The following MAGI2 variants were observed in gnomAD, a reference collection of about 807,000 sequenced individuals.
MAGI2 encodes membrane associated guanylate kinase, WW and PDZ domain containing 2.
MAGI2 carries 35 observed loss-of-function variants against 133.3 expected under a neutral mutation model. The ratio of observed to expected loss-of-function variants is 0.26; its 90% CI spans 0.20 to 0.35. The LOEUF (loss-of-function observed/expected upper bound fraction) is 0.35, where lower values mean the gene tolerates loss of function less well. MAGI2 is among the 10% of genes least tolerant of loss of function. The pLI, the probability that MAGI2 is intolerant of heterozygous loss-of-function variation, is 1.00. For synonymous variants in MAGI2, 729 were observed against 710.6 expected (o/e 1.03, Z -0.41); for missense variants, 1,636 against 1,863.4 (o/e 0.88, Z 2.25).
chr7:79,294,935 T>C (rs1836811156), intron 1 of MAGI2, among the ~76,000 whole-genome samples: 1 of 151,482 alleles, frequency 6.6e-6, no homozygotes, highest in Non-Finnish European at 1.5e-5. Flanking sequence ...AGACGGGGTT[T>C]CACCGTGTTA....
intron 2 of MAGI2, among the ~76,000 whole-genome samples, chr7:78,784,274 G>A (rs1056958404): frequency 6.6e-6 from 1 of 151,192 alleles, no homozygotes; most frequent in African/African-American, 2.4e-5. Context: ...TTGGCATGCT[G>A]AGTACTTTGG....
chr7:78,508,816 A>G (rs1382523595), intron 4 of MAGI2, among the ~76,000 whole-genome samples: 2 of 152,152 alleles, frequency 1.3e-5, no homozygotes, highest in Non-Finnish European at 2.9e-5. Context: ...GGAAGTGGCT[A>G]AGTAAAATTG....
At position 78,482,930 on chromosome 7, in the gene MAGI2, C is replaced by T. The variant is rs185261722; in HGVS notation, c.1045+6831G>A. ...ACACACACACACACACACACGAGTA[C>T]TTGTATACCTGGCAAAATATGATCT... On this transcript the variant is annotated intron_variant, in intron 6 of 21. Transcript: ENST00000354212. 3.4e-5 allele frequency among the ~76,000 whole-genome samples: 5 copies of T among 148,986 alleles called. No individual in the cohort carries two copies. The East Asian group carries it at 1.0e-3, about 30-fold the overall frequency.
In MAGI2 at chr7:79,324,695, AAT is replaced by A. The variant is rs1270909282; in HGVS notation, c.301+128323_301+128324del. Among the ~76,000 whole-genome samples the A allele has an allele frequency of 2.4e-4, 7 of 29,314 alleles. 1 individual carries two copies. The highest frequency in any genetic ancestry group is 6.6e-4 in the African/African-American group (6 of 9,056). The allele number at this position is 29,314 out of a possible 152,430, so 19.2% of individuals were successfully genotyped here. A position where few individuals can be genotyped will look rare whatever the true frequency, so the allele number is the denominator to read the frequency against. On this transcript the variant is annotated intron_variant, in intron 1 of 21. Coordinates refer to ENST00000354212, the MANE Select transcript of MAGI2 (RefSeq NM_012301.4). The stretch of plus-strand genomic sequence containing the variant: ...ATATATATATATTATATATATATAA[AAT>A]ATATATATATTATATATGTATATAA...
chr7:78,998,177 T>G (rs1441982853), intron 2 of MAGI2, among the ~76,000 whole-genome samples: 1 of 152,188 alleles, frequency 6.6e-6, no homozygotes, highest in Admixed American at 6.5e-5. Flanking sequence ...AGAACTGCAC[T>G]TAATTTAAAC....
chr7:78,742,904 C>A (rs975968311), intron 2 of MAGI2, among the ~76,000 whole-genome samples: 4 of 152,128 alleles, frequency 2.6e-5, no homozygotes, highest in Non-Finnish European at 4.4e-5. Context: ...GGCCTCTGAC[C>A]AAACTAACCC....
intron 2 of MAGI2, among the ~76,000 whole-genome samples, chr7:78,873,624 T>C (rs1795200135): frequency 6.6e-6 from 1 of 152,080 alleles, no homozygotes; most frequent in African/African-American, 2.4e-5. Flanking sequence ...TCATTATATA[T>C]TATGATATAA....
At chr7:78,937,213 A>G (rs1800582203) in intron 2 of MAGI2, among the ~76,000 whole-genome samples, 1 of 152,152 alleles carries the variant, frequency 6.6e-6, no homozygotes, top group South Asian at 2.1e-4. Context: ...CAAATCTGGG[A>G]CAATTTAAGC....
At chr7:78,648,381 T>A (rs536219044) in intron 2 of MAGI2, among the ~76,000 whole-genome samples, 1 of 152,350 alleles carries the variant, frequency 6.6e-6, no homozygotes, top group African/African-American at 2.4e-5. Flanking sequence ...GAAGCCTTCA[T>A]ATACCCAGGC....
At chr7:78,990,697 G>C (rs1285603896) in intron 2 of MAGI2, among the ~76,000 whole-genome samples, 1 of 151,872 alleles carries the variant, frequency 6.6e-6, no homozygotes, top group African/African-American at 2.4e-5. Context: ...AATAATAATA[G>C]AAAGGTACAT....
chr7:78,366,589 G>A (rs1204550567), intron 7 of MAGI2, among the ~76,000 whole-genome samples: 2 of 151,980 alleles, frequency 1.3e-5, no homozygotes, highest in African/African-American at 2.4e-5. Context: ...GTAAATAAGT[G>A]TATTCCAATT....
At chr7:78,383,735 CTTATGT>C (rs1458467022) in intron 6 of MAGI2, among the ~76,000 whole-genome samples, 1 of 151,826 alleles carries the variant, frequency 6.6e-6, no homozygotes, top group African/African-American at 2.4e-5. Context: ...GGTTTTGGGT[CTTATGT>C]TTAGGTCATT....
chr7:79,356,343 T>C (rs904045751), intron 1 of MAGI2, among the ~76,000 whole-genome samples: 1 of 152,154 alleles, frequency 6.6e-6, no homozygotes, highest in Admixed American at 6.5e-5. Context: ...CACAATAATC[T>C]ACATCAGCAA....
At chr7:79,177,759 T>C (rs1826230596) in intron 1 of MAGI2, among the ~76,000 whole-genome samples, 1 of 152,116 alleles carries the variant, frequency 6.6e-6, no homozygotes, top group Non-Finnish European at 1.5e-5. Context: ...ATAAGGTGTC[T>C]GATTTTGTAG....
chr7:78,621,723 T>G (rs1489624587), intron 3 of MAGI2, among the ~76,000 whole-genome samples: 1 of 152,000 alleles, frequency 6.6e-6, no homozygotes, highest in Non-Finnish European at 1.5e-5. Context: ...GTAACAGAAT[T>G]GCTCTTTTGG....
At chr7:79,401,930 A>C (rs1479536780) in intron 1 of MAGI2, among the ~76,000 whole-genome samples, 2 of 152,190 alleles carry the variant, frequency 1.3e-5, no homozygotes, top group Non-Finnish European at 2.9e-5. Context: ...GTATGCCTCA[A>C]CCACACTAAA....
In MAGI2 at chr7:79,211,457, T is replaced by C. The variant is rs139599920; in HGVS notation, c.302-204251A>G. On this transcript the variant is annotated intron_variant, in intron 1 of 21. Transcript: ENST00000354212. ...GTCCGGCTAATTATTTTCTTTCTTT[T>C]TCTTTTTTGTTTTTTTTTTTGAGGC... Among the ~76,000 whole-genome samples, 1,418 of 151,056 alleles carry C rather than the reference T, an allele frequency of 9.4e-3. 36 individuals carry two copies. Among genetic ancestry groups the C allele is most frequent in the African/African-American group, 0.033 (1,340 of 40,942 alleles).
intron 2 of MAGI2, among the ~76,000 whole-genome samples, chr7:78,951,403 G>T (rs894860303): frequency 2.4e-4 from 36 of 152,248 alleles, no homozygotes; most frequent in African/African-American, 8.4e-4. Context: ...GGAGGTCTCA[G>T]GAGACTTACA....
chr7:78,367,723 A>G (rs1288820644), intron 7 of MAGI2, among the ~76,000 whole-genome samples: 2 of 152,188 alleles, frequency 1.3e-5, no homozygotes, highest in African/African-American at 4.8e-5. Context: ...AATTTCCTTG[A>G]ATATCGGATG....
Sources: gnomAD v4.1 joint callset for allele counts (sites outside exome capture counted in the v4.1 genomes callset) on GRCh38, gnomAD v4.1.1 for gene constraint, MANE v1.5 for transcripts, NCBI Gene and HGNC (gene_info 2026-07-23, HGNC 2026-07-21) for gene names.